GABPB1: variants seen among roughly 807,000 people sequenced by gnomAD.
GABPB1 encodes the protein GA-binding protein subunit beta-1.
A neutral mutation model predicts 45.9 loss-of-function variants in GABPB1; 15 were observed. The observed-to-expected ratio is 0.33, with a 90% CI of 0.22 to 0.50. The LOEUF is 0.50. Ranked by LOEUF, GABPB1 falls within the 20% of genes least tolerant of loss-of-function variation. GABPB1 has a pLI of 0.98. For missense variants in GABPB1, 252 were observed against 457.5 expected (o/e 0.55, Z 4.10); for synonymous variants, 143 against 154.4 (o/e 0.93, Z 0.55).
chr15:50,311,675 G>C (rs2047136304), intron 1 of GABPB1, among the ~76,000 whole-genome samples: 1 of 152,082 alleles, frequency 6.6e-6, no homozygotes, highest in South Asian at 2.1e-4. Context: ...AAGTATTTCA[G>C]ATAAGGGATA....
chr15:50,318,023 C>T (rs919349096), intron 1 of GABPB1, among the ~76,000 whole-genome samples: 2 of 152,024 alleles, frequency 1.3e-5, no homozygotes, highest in South Asian at 4.2e-4. Flanking sequence ...TGAAAATATT[C>T]CAAATTTAGT....
rs1253430639 is a variant in GABPB1 at position 50,289,597 on chromosome 15, C to G, written c.769G>C (p.Gly257Arg). Residue 257 changes from glycine to arginine, a missense_variant, in exon 7 of 9, where the codon GGT becomes CGT. Around this residue, in one of 4 missense-constraint regions of GABPB1, gnomAD observed 193 missense variants for 259.9 expected, o/e 0.74. Transcript: ENST00000380877. ...GAIQQVVSSG[G>R]QQVITIVTDG... is the part of the protein sequence containing the mutation. ...GTAACTATTGTGATGACTTGCTGACCCCCTGAACTAACTACTTGCTGAATG... is the reference window on the plus strand; with the variant it reads ...GTAACTATTGTGATGACTTGCTGACGCCCTGAACTAACTACTTGCTGAATG... 6.2e-7 allele frequency: 1 copy of G among 1,613,028 alleles called. No individual in the cohort carries two copies. The highest frequency in any genetic ancestry group is 8.5e-7 in the Non-Finnish European group (1 of 1,179,668).
At chr15:50,321,086 TACAC>T (rs1337871778) in intron 1 of GABPB1, among the ~76,000 whole-genome samples, 4 of 152,166 alleles carry the variant, frequency 2.6e-5, no homozygotes, top group Non-Finnish European at 5.9e-5. Flanking sequence ...AGGAAACAAA[TACAC>T]ACAGTATACT....
At chr15:50,345,560 C>T (rs1333556358) in intron 1 of GABPB1, among the ~76,000 whole-genome samples, 1 of 151,334 alleles carries the variant, frequency 6.6e-6, no homozygotes, top group Admixed American at 6.6e-5. Context: ...ACCCTGTCTT[C>T]GAAAAAAAAG....
chr15:50,295,418 T>A (rs2046477729), intron 6 of GABPB1, among the ~76,000 whole-genome samples: 1 of 152,170 alleles, frequency 6.6e-6, no homozygotes, highest in Admixed American at 6.5e-5. Context: ...TGCTAAAATG[T>A]TCTTCCCCAA....
At chr15:50,342,209 C>T (rs145828340) in intron 1 of GABPB1, among the ~76,000 whole-genome samples, 9 of 152,270 alleles carry the variant, frequency 5.9e-5, no homozygotes, top group Non-Finnish European at 1.0e-4. Context: ...TCTTTATTCT[C>T]TCATTGTGGC....
chr15:50,336,353 CAA>C (rs1178314012), intron 1 of GABPB1, among the ~76,000 whole-genome samples: 21 of 115,864 alleles, frequency 1.8e-4, no homozygotes, highest in East Asian at 3.5e-4. Flanking sequence ...GACTCTGTCC[CAA>C]AAAAAAAAAA....
chr15:50,295,295 C>T (rs976154938), intron 6 of GABPB1, among the ~76,000 whole-genome samples: 20 of 152,292 alleles, frequency 1.3e-4, no homozygotes, highest in Admixed American at 3.9e-4. Context: ...TATATAATCT[C>T]ACCTTCAACC....
intron 6 of GABPB1, among the ~76,000 whole-genome samples, chr15:50,293,184 T>C (rs1356965412): frequency 1.3e-5 from 2 of 152,200 alleles, no homozygotes; most frequent in Non-Finnish European, 2.9e-5. Context: ...TGCTCTGAAA[T>C]ATGCTGAGTT....
rs2048337752 is a variant in GABPB1, at chr15:50,340,887, CATATTACATAT to C, written c.-1+14087_-1+14097del. On this transcript the variant is annotated intron_variant, in intron 1 of 8. Coordinates refer to ENST00000380877, the MANE Select transcript of GABPB1 (RefSeq NM_016654.5). ...TGGTTTATTACCATATGTAATATTA[CATATTACATAT>C]GGTTTATTACCATATGTAATATTAC... Among the ~76,000 whole-genome samples the C allele has an allele frequency of 1.2e-4, 2 of 17,140 alleles. 1 individual carries two copies. The highest frequency in any genetic ancestry group is 9.2e-4 in the African/African-American group (2 of 2,182). The allele number at this position is 17,140 out of a possible 152,430, so 11.2% of individuals were successfully genotyped here.
Position 50,300,856 on chromosome 15 carries a change from T to C in GABPB1, c.630A>G (p.Ser210=), listed in dbSNP as rs755909453. ...CTAAGGCAGCTAATGTAGCTAATACTGATGTAGAAGAGTTTCCAAACTGAA... is the reference window on the plus strand; with the variant it reads ...CTAAGGCAGCTAATGTAGCTAATACCGATGTAGAAGAGTTTCCAAACTGAA... ...SAVQFGNSST[S]VLATLAALAE... The change falls in exon 6 of 9, where the codon TCA becomes TCG. Residue 210 remains serine, a synonymous_variant. Transcript: ENST00000380877. The C allele has an allele frequency of 6.2e-7, 1 of 1,613,054 alleles. No individual in the cohort carries two copies. The highest frequency in any genetic ancestry group is 1.1e-5 in the South Asian group (1 of 91,068).
intron 7 of GABPB1, among the ~76,000 whole-genome samples, chr15:50,287,638 G>A (rs1011214029): frequency 3.9e-5 from 6 of 152,114 alleles, no homozygotes; most frequent in Admixed American, 2.6e-4. Flanking sequence ...CCTTGATCTC[G>A]CACTTTTAGC....
chr15:50,297,703 C>T (rs944501000), intron 6 of GABPB1, among the ~76,000 whole-genome samples: 2 of 152,014 alleles, frequency 1.3e-5, no homozygotes, highest in Non-Finnish European at 2.9e-5. Context: ...AGAGTGGTGG[C>T]GTGTGCCTGT....
rs1162186238 is a variant in GABPB1, at chr15:50,276,443, CAAT to C, written c.*2186_*2188del. ...ATGATTGAGAAATTATGTTATGTAA[CAAT>C]GACTCTGAAAAAGGTGAGCTTCCTC... On this transcript the variant is annotated 3_prime_UTR_variant, in exon 9 of 9. Transcript: ENST00000380877. The C allele has an allele frequency of 6.6e-6, 1 of 152,206 alleles. No homozygotes were observed. Among genetic ancestry groups the C allele is most frequent in the Admixed American group, 6.5e-5 (1 of 15,282 alleles). 9.4% of individuals were successfully genotyped at this position (152,206 alleles called of 1,614,324 possible).
chr15:50,333,011 G>A (rs2047997863), intron 1 of GABPB1, among the ~76,000 whole-genome samples: 1 of 152,044 alleles, frequency 6.6e-6, no homozygotes, highest in Non-Finnish European at 1.5e-5. Context: ...CCAATATGGT[G>A]CATGTGGATA....
chr15:50,284,567 G>T (rs144903388), intron 8 of GABPB1, among the ~76,000 whole-genome samples: 119 of 152,244 alleles, frequency 7.8e-4, no homozygotes, highest in African/African-American at 2.8e-3. Flanking sequence ...CTGTAAGAAA[G>T]AAATCAGGCT....
chr15:50,292,158 CA>C (rs1464299199), intron 6 of GABPB1, among the ~76,000 whole-genome samples: 1 of 149,896 alleles, frequency 6.7e-6, no homozygotes, highest in African/African-American at 2.4e-5. Context: ...ACTGAAAATA[CA>C]AAAAATTAGC....
rs773188265 is a variant in GABPB1 at position 50,289,527 on chromosome 15, C to A, written c.839G>T (p.Gly280Val). The change falls in exon 7 of 9, where the codon GGA becomes GTA. Residue 280 changes from glycine to valine, a missense_variant. Gly to Val is a moderately radical substitution (Grantham distance 109). Around this residue, in one of 4 missense-constraint regions of GABPB1, gnomAD observed 193 missense variants for 259.9 expected, o/e 0.74. Transcript: ENST00000380877. The stretch of plus-strand genomic sequence containing the variant: ...GGTCACAATGATGGGCTGACCAATT[C>A]CACTGGTTGGAATAGAGTGCAAATT... ...LGNLHSIPTS[G>V]IGQPIIVTMP... is the part of the protein sequence containing the mutation. 3 of 1,613,292 alleles carry A rather than the reference C, an allele frequency of 1.9e-6. No homozygotes were observed. Among genetic ancestry groups the A allele is most frequent in the Non-Finnish European group, 8.5e-7 (1 of 1,179,756 alleles).
intron 8 of GABPB1, among the ~76,000 whole-genome samples, chr15:50,282,094 G>GA (rs1314129134): frequency 6.6e-6 from 1 of 152,224 alleles, no homozygotes; most frequent in Non-Finnish European, 1.5e-5. Flanking sequence ...CTACTCAAGA[G>GA]GCTGTGAGGT....
Sources: allele counts gnomAD v4.1 joint callset (sites outside exome capture counted in the v4.1 genomes callset), GRCh38; gene constraint gnomAD v4.1.1; regional missense constraint gnomAD v4.1.1; transcripts MANE v1.5; gene names NCBI Gene and HGNC (gene_info 2026-07-23, HGNC 2026-07-21).